Variants in SHROOM4 observed in about 807,000 individuals in gnomAD.
SHROOM4 encodes the protein shroom family member 4.
SHROOM4 carries 17 observed loss-of-function variants against 80.3 expected under a neutral mutation model. The ratio of observed to expected loss-of-function variants is 0.21; its 90% CI spans 0.14 to 0.32. SHROOM4 has a LOEUF of 0.32. SHROOM4 is among the 10% of genes least tolerant of loss of function. The pLI is 1.00. For missense variants in SHROOM4, 993 were observed against 1,140.3 expected (o/e 0.87, Z 1.86); for synonymous variants, 400 against 437.5 (o/e 0.91, Z 1.07).
chrX:50,813,179 G>GGCGGCGGCGGCGGCA (rs1557273646), intron 1 of SHROOM4, among the ~76,000 whole-genome samples: 22 of 109,660 alleles, frequency 2.0e-4, no homozygotes, highest in Admixed American at 5.8e-4. Context: ...CGGCGGCGGC[G>GGCGGCGGCGGCGGCA]GCGGCGGCAG....
intron 1 of SHROOM4, among the ~76,000 whole-genome samples, chrX:50,777,246 C>T (rs1935531092): frequency 1.8e-5 from 2 of 111,445 alleles, no homozygotes; most frequent in Non-Finnish European, 3.8e-5. Flanking sequence ...AGTGGGAGTT[C>T]ACTGTATAAT....
chrX:50,690,754 G>A (rs374508393), intron 2 of SHROOM4, among the ~76,000 whole-genome samples: 6 of 112,404 alleles, frequency 5.3e-5, no homozygotes, highest in African/African-American at 1.9e-4. Flanking sequence ...ATCACTTGAG[G>A]TCAGGAGTTC....
rs544992618 is a variant in SHROOM4, at chrX:50,636,288, G to A, written c.405-620C>T. ...AATCACACTTTTGAGAACCACTGGT[G>A]TAAAGCAAGCCCAGCAAAGGGAAGT... On this transcript the variant is annotated intron_variant, in intron 3 of 8. Transcript: ENST00000376020. Among the ~76,000 whole-genome samples, 178 of 110,456 alleles carry A rather than the reference G, an allele frequency of 1.6e-3. 1 individual carries two copies. The Middle Eastern group carries it at 0.018, about 11-fold the overall frequency.
chrX:50,618,412 C>CTTCCTTCCT (rs1930410116), intron 5 of SHROOM4, among the ~76,000 whole-genome samples: 1 of 86,578 alleles, frequency 1.2e-5, no homozygotes, highest in South Asian at 6.5e-4. Flanking sequence ...TCCTTCCTTC[C>CTTCCTTCCT]TTCCTTCCTT....
chrX:50,703,685 C>G (rs190266437), intron 1 of SHROOM4, among the ~76,000 whole-genome samples: 1 of 111,987 alleles, frequency 8.9e-6, no homozygotes, highest in East Asian at 2.8e-4. Context: ...TCACCTGATG[C>G]CATGTAAGAC....
chrX:50,811,722 G>C (rs1557273466), intron 1 of SHROOM4, among the ~76,000 whole-genome samples: 1 of 111,704 alleles, frequency 9.0e-6, no homozygotes, highest in East Asian at 2.8e-4. Flanking sequence ...TACCGTTGAA[G>C]CCAACCCAGT....
intron 5 of SHROOM4, among the ~76,000 whole-genome samples, chrX:50,613,274 C>G (rs1010830228): frequency 1.8e-5 from 2 of 111,060 alleles, no homozygotes; most frequent in African/African-American, 6.6e-5. Flanking sequence ...CCACCATACC[C>G]GGCTAATTTT....
At chrX:50,652,106 G>C (rs1339422629) in intron 2 of SHROOM4, among the ~76,000 whole-genome samples, 1 of 111,804 alleles carries the variant, frequency 8.9e-6, no homozygotes, top group Non-Finnish European at 1.9e-5. Context: ...CCAGTAATGG[G>C]ATTGCTAGAT....
At chrX:50,698,366 C>T (rs1006451083) in intron 1 of SHROOM4, among the ~76,000 whole-genome samples, 2 of 111,350 alleles carry the variant, frequency 1.8e-5, no homozygotes, top group African/African-American at 6.5e-5. Context: ...CAGTCACCAG[C>T]ATCCTCCTCC....
chrX:50,742,645 G>T (rs1057294208), intron 1 of SHROOM4, among the ~76,000 whole-genome samples: 37 of 103,073 alleles, frequency 3.6e-4, no homozygotes, highest in Non-Finnish European at 5.9e-4. Context: ...ATTTTTCGGG[G>T]GGGGGGGCAA....
At chrX:50,777,437 T>C (rs1935534889) in intron 1 of SHROOM4, among the ~76,000 whole-genome samples, 1 of 112,440 alleles carries the variant, frequency 8.9e-6, no homozygotes, top group Non-Finnish European at 1.9e-5. Context: ...TCTACAATGT[T>C]ATTTATAATA....
At chrX:50,750,778 C>T (rs1934899496) in intron 1 of SHROOM4, among the ~76,000 whole-genome samples, 1 of 111,831 alleles carries the variant, frequency 8.9e-6, no homozygotes, top group African/African-American at 3.3e-5. Context: ...ATTTATCATC[C>T]TTCATCATCC....
intron 1 of SHROOM4, among the ~76,000 whole-genome samples, chrX:50,791,891 T>A (rs1297567692): frequency 9.0e-6 from 1 of 110,571 alleles, no homozygotes; most frequent in African/African-American, 3.3e-5. Flanking sequence ...AGCCCCAAAA[T>A]AAACCCACCC....
At chrX:50,621,157 A>G (rs1930556629) in intron 5 of SHROOM4, among the ~76,000 whole-genome samples, 1 of 112,001 alleles carries the variant, frequency 8.9e-6, no homozygotes, top group Admixed American at 9.5e-5. Flanking sequence ...ATTATTCTCC[A>G]TATTGATATC....
intron 1 of SHROOM4, among the ~76,000 whole-genome samples, chrX:50,807,545 G>A (rs1233361184): frequency 4.5e-5 from 5 of 111,563 alleles, no homozygotes; most frequent in African/African-American, 1.6e-4. Context: ...GAGGTAAAAA[G>A]GAAATAAAAA....
At chrX:50,616,071 T>TGTCTCATGTAGGTGCTC (rs1327158377) in intron 5 of SHROOM4, among the ~76,000 whole-genome samples, 1 of 112,119 alleles carries the variant, frequency 8.9e-6, no homozygotes, top group Non-Finnish European at 1.9e-5. Flanking sequence ...ATGAGGTGCT[T>TGTCTCATGTAGGTGCTC]GTCTCATGTA....
chrX:50,694,340 C>T (rs1933305352), intron 2 of SHROOM4, among the ~76,000 whole-genome samples: 1 of 108,689 alleles, frequency 9.2e-6, no homozygotes, highest in Non-Finnish European at 1.9e-5. Context: ...TACCAGGATT[C>T]CCCATTTTCC....
intron 2 of SHROOM4, among the ~76,000 whole-genome samples, chrX:50,675,024 C>T (rs1569547437): frequency 9.0e-6 from 1 of 111,690 alleles, no homozygotes; most frequent in East Asian, 2.8e-4. Context: ...CTATTCTAAG[C>T]AAAGAGAACA....
At chrX:50,761,985 C>T (rs2147628971) in intron 1 of SHROOM4, among the ~76,000 whole-genome samples, 1 of 111,767 alleles carries the variant, frequency 8.9e-6, no homozygotes, top group Admixed American at 9.5e-5. Flanking sequence ...CAATATACAT[C>T]TTATATTCTA....
Sources: allele counts gnomAD v4.1 joint callset (sites outside exome capture counted in the v4.1 genomes callset), GRCh38; gene constraint gnomAD v4.1.1; transcripts MANE v1.5; gene names NCBI Gene and HGNC (gene_info 2026-07-23, HGNC 2026-07-21).